Variants in MILR1 observed in about 807,000 individuals in gnomAD.
The protein encoded by MILR1 is mast cell immunoglobulin like receptor 1.
MILR1 carries 31 observed loss-of-function variants against 18.5 expected under a neutral mutation model. That is an observed-to-expected ratio of 1.68 (90% CI 1.26 to 2.26). The LOEUF (loss-of-function observed/expected upper bound fraction) is 2.26. Ranked by LOEUF, MILR1 falls within the 30% of genes most tolerant of loss-of-function variation. The probability of loss-of-function intolerance (pLI) is 0.00; values close to 1 mark genes in which losing one functional copy is unlikely to be tolerated. For synonymous variants in MILR1, 85 were observed against 56.2 expected, an observed-to-expected ratio of 1.51 and a Z score of -2.30; for missense variants, 257 against 157.4, an observed-to-expected ratio of 1.63 and a Z score of -3.38.
the MILR1 span, among the ~76,000 whole-genome samples, chr17:64,479,752 AT>A: frequency 1.3e-5 from 2 of 152,208 alleles, no homozygotes; most frequent in Non-Finnish European, 2.9e-5. Context: ...GATGAGATAC[AT>A]TTAGGAAGCA....
intron 5 of MILR1, among the ~76,000 whole-genome samples, chr17:64,464,432 G>C (rs2037503638): frequency 6.6e-6 from 1 of 151,474 alleles, no homozygotes; most frequent in Non-Finnish European, 1.5e-5. Flanking sequence ...TAGAGACAAG[G>C]TCTCACTATG....
At chr17:64,497,160 G>A in the MILR1 span, 23 of 661,314 alleles carry the variant, frequency 3.5e-5, no homozygotes, top group South Asian at 3.5e-4. Flanking sequence ...CACCATGGCG[G>A]ACGCCGGCTC....
chr17:64,458,913 G>T (rs1382555966), intron 4 of MILR1, among the ~76,000 whole-genome samples: 3 of 152,162 alleles, frequency 2.0e-5, no homozygotes, highest in Non-Finnish European at 2.9e-5. Context: ...TGTTTATGGG[G>T]GGTGTGGATG....
At chr17:64,493,244 C>T in the MILR1 span, among the ~76,000 whole-genome samples, 2 of 152,022 alleles carry the variant, frequency 1.3e-5, no homozygotes, top group African/African-American at 4.8e-5. Context: ...CACAGCAAAA[C>T]CCCATCTCTA....
chr17:64,479,879 T>C, the MILR1 span, among the ~76,000 whole-genome samples: 1 of 152,190 alleles, frequency 6.6e-6, no homozygotes, highest in Non-Finnish European at 1.5e-5. Context: ...GCCAATCCCT[T>C]AGAAGACTAG....
intron 4 of MILR1, among the ~76,000 whole-genome samples, chr17:64,459,982 TTTTATTTTATTTTATTTA>T (rs1215617940): frequency 3.7e-5 from 5 of 133,836 alleles, no homozygotes; most frequent in African/African-American, 1.1e-4. Flanking sequence ...ATTATTTTTA[TTTTATTTTATTTTATTTA>T]TTTATTTATT....
chr17:64,495,896 A>G, the MILR1 span, among the ~76,000 whole-genome samples: 6 of 152,002 alleles, frequency 3.9e-5, no homozygotes, highest in African/African-American at 9.7e-5. Context: ...TTTAGTAGAG[A>G]CGGGGTTTCA....
chr17:64,489,034 T>C, the MILR1 span, among the ~76,000 whole-genome samples: 2 of 149,312 alleles, frequency 1.3e-5, no homozygotes, highest in Non-Finnish European at 3.0e-5. Flanking sequence ...TTTTCTTTTT[T>C]TTTTTTTTTG....
chr17:64,480,474 C>A, the MILR1 span: 1 of 647,134 alleles, frequency 1.5e-6, no homozygotes. Flanking sequence ...CCACAAATCA[C>A]CCTCTTCAAT....
At chr17:64,494,178 C>T in the MILR1 span, among the ~76,000 whole-genome samples, 1 of 152,140 alleles carries the variant, frequency 6.6e-6, no homozygotes, top group Non-Finnish European at 1.5e-5. Context: ...ATGACACTGA[C>T]TTTTGATGTG....
chr17:64,481,168 G>T, the MILR1 span: 2 of 558,754 alleles, frequency 3.6e-6, no homozygotes, highest in Non-Finnish European at 4.5e-6. Flanking sequence ...AATCTCTCCA[G>T]ACATTACTAA....
At chr17:64,465,349 C>T (rs893088947) in intron 5 of MILR1, 103 bp from the exon 6 acceptor site, 2 of 810,822 alleles carry the variant, frequency 2.5e-6, no homozygotes, top group Non-Finnish European at 4.1e-6. Context: ...GAGCAAGTCA[C>T]TCTCTGTTTC....
downstream of MILR1, among the ~76,000 whole-genome samples, chr17:64,470,803 C>A (rs1450621066): frequency 6.6e-6 from 1 of 152,152 alleles, no homozygotes; most frequent in Non-Finnish European, 1.5e-5. Context: ...TGCCCTGAAC[C>A]GTAGCCTCTC....
chr17:64,452,755 G>A lies in MILR1; in HGVS notation c.256G>A (p.Ala86Thr). ...LGTQDGKGEP[A>T]IFNLSITEAH... ...AACCCAGGATGGAAAAGGTGAACCT[G>A]CGATTTTTAACCTAAGCATCACAGA... Residue 86 changes from alanine (A) to threonine (T), a missense_variant, in exon 3 of 10, where the codon GCG becomes ACG. Transcript: ENST00000619286. 3 of 475,314 alleles carry A rather than the reference G, an allele frequency of 6.3e-6. No homozygotes were observed. Among genetic ancestry groups the A allele is most frequent in the Admixed American group, 3.2e-5 (1 of 31,740 alleles). 29.4% of individuals were successfully genotyped at this position (475,314 alleles called of 1,614,324 possible).
downstream of MILR1, among the ~76,000 whole-genome samples, chr17:64,473,443 G>A (rs184617261): frequency 3.9e-5 from 6 of 152,104 alleles, no homozygotes; most frequent in Admixed American, 6.6e-5. Context: ...ATCATCAACA[G>A]TGGATTTGTG....
the MILR1 span, chr17:64,496,512 G>C: frequency 2.3e-4 from 364 of 1,613,134 alleles, no homozygotes; most frequent in Middle Eastern, 4.9e-4. Flanking sequence ...ATTTCGCGTA[G>C]AGTTTCTGCA....
At chr17:64,477,728 C>T in the MILR1 span, 3 of 1,287,160 alleles carry the variant, frequency 2.3e-6, no homozygotes, top group East Asian at 2.6e-5. Context: ...CACAAATGTC[C>T]ACTTTATAAG....
Position 64,457,653 on chromosome 17 carries a change from A to C in MILR1, c.621A>C (p.Thr207=), listed in dbSNP as rs2037331367. The change falls in exon 4 of 10, where the codon ACA becomes ACC. Residue 207 remains threonine (T), a synonymous_variant. Transcript: ENST00000619286. ...EAKNRLPNYA[T]YSHPVTMPST... ...AAAACAGATTGCCTAACTATGCAAC[A>C]TACAGTCACCCTGTCACCATGCCCT... 1 of 475,142 alleles carries C rather than the reference A, an allele frequency of 2.1e-6. No homozygotes were observed. The highest frequency in any genetic ancestry group is 3.9e-6 in the Non-Finnish European group (1 of 259,068). 29.4% of individuals were successfully genotyped at this position (475,142 alleles called of 1,614,324 possible).
At chr17:64,470,754 TGA>T (rs2037676078), downstream of MILR1, among the ~76,000 whole-genome samples, 1 of 152,160 alleles carries the variant, frequency 6.6e-6, no homozygotes, top group African/African-American at 2.4e-5. Flanking sequence ...CTGTGATAAA[TGA>T]GAGTGGCTTA....
Sources: allele counts gnomAD v4.1 joint callset (sites outside exome capture counted in the v4.1 genomes callset), GRCh38; gene constraint gnomAD v4.1.1; transcripts MANE v1.5; gene names NCBI Gene and HGNC (gene_info 2026-07-23, HGNC 2026-07-21).